Variants in LYST observed in about 807,000 individuals in gnomAD.
LYST encodes lysosomal trafficking regulator, also known as lysosomal-trafficking regulator.
Under a neutral mutation model 413.6 loss-of-function variants are expected in LYST, and 192 were observed. The ratio of observed to expected loss-of-function variants is 0.46; its 90% CI spans 0.41 to 0.52. The LOEUF (loss-of-function observed/expected upper bound fraction) is 0.52. Ranked by LOEUF, LYST falls within the 20% of genes least tolerant of loss-of-function variation. LYST has a pLI of 0.00. For synonymous variants in LYST, 1,525 were observed against 1,567.3 expected, an observed-to-expected ratio of 0.97 and a Z score of 0.64; for missense variants, 3,815 against 4,499.9, an observed-to-expected ratio of 0.85 and a Z score of 4.35.
intron 34 of LYST, 142 bp downstream of exon 34, chr1:235,733,360 GA>G (rs954213928): frequency 5.5e-6 from 4 of 730,768 alleles, no homozygotes; most frequent in East Asian, 2.7e-5. Context: ...TCTTTAAGAT[GA>G]AAAAAACATC....
intron 2 of LYST, among the ~76,000 whole-genome samples, chr1:235,831,782 A>G (rs1362326725): frequency 6.6e-6 from 1 of 152,172 alleles, no homozygotes; most frequent in Non-Finnish European, 1.5e-5. Context: ...TTATATATTA[A>G]TATTGGTTCT....
chr1:235,757,577 TAAG>T (rs1203173485), intron 23 of LYST, 119 bp from the exon 24 acceptor site: 2 of 750,260 alleles, frequency 2.7e-6, no homozygotes, highest in Non-Finnish European at 4.7e-6. Context: ...TCATAATGCT[TAAG>T]AAATGTTTCC....
At chr1:235,675,889 A>G (rs182632348) in intron 50 of LYST, among the ~76,000 whole-genome samples, 127 of 152,296 alleles carry the variant, frequency 8.3e-4, no homozygotes, top group African/African-American at 2.9e-3. Flanking sequence ...GAAAAACACC[A>G]TACATTTTGT....
At chr1:235,858,342 T>C (rs1223678922) in intron 1 of LYST, among the ~76,000 whole-genome samples, 3 of 152,190 alleles carry the variant, frequency 2.0e-5, no homozygotes, top group Admixed American at 6.5e-5. Context: ...ATGGAAAATA[T>C]TTACTATAGT....
In LYST at chr1:235,759,465, C is replaced by T. The variant is rs148371004; in HGVS notation, c.6388G>A (p.Asp2130Asn). ...GTATCTGCAATATTTTGTAACCTGT[C>T]GATACTACAACCCAAACTTCCAGTC... ...KLTGSLGCSI[D>N]RLQNIADTYV... Residue 2130 changes from aspartate to asparagine, a missense_variant, in exon 23 of 53, where the codon GAC (aspartate) becomes AAC (asparagine). By Grantham distance (23) the Asp-to-Asn change is conservative. Transcript: ENST00000389793. The T allele has an allele frequency of 1.4e-4, 230 of 1,613,874 alleles. 1 individual carries two copies. The highest frequency in any genetic ancestry group is 1.8e-4 in the South Asian group (16 of 91,080).
chr1:235,773,709 G>T, intron 19 of LYST, 133 bp downstream of exon 19: 1 of 714,304 alleles, frequency 1.4e-6, no homozygotes, highest in Non-Finnish European at 2.5e-6. Context: ...GATGGATGGT[G>T]GTGATGGTTG....
At chr1:235,835,793 C>T (rs577877388) in intron 1 of LYST, among the ~76,000 whole-genome samples, 2 of 152,284 alleles carry the variant, frequency 1.3e-5, no homozygotes, top group South Asian at 4.1e-4. Flanking sequence ...TACATAGACA[C>T]ACCCTGTAGT....
At chr1:235,705,565 T>C (rs531524834) in intron 44 of LYST, among the ~76,000 whole-genome samples, 71 of 152,062 alleles carry the variant, frequency 4.7e-4, no homozygotes, top group African/African-American at 1.5e-3. Context: ...TTTAAATTTT[T>C]TGTAGAGACA....
At chr1:235,723,437 C>T (rs1351410244) in intron 39 of LYST, among the ~76,000 whole-genome samples, 2 of 152,108 alleles carry the variant, frequency 1.3e-5, no homozygotes, top group Non-Finnish European at 2.9e-5. Context: ...GAGGCGTCTG[C>T]AACCAAGACT....
In LYST at chr1:235,788,802, T is replaced by C; in HGVS notation, c.4587A>G (p.Glu1529=). 1 of 1,613,638 alleles carries C rather than the reference T, an allele frequency of 6.2e-7. No homozygotes were observed. Among genetic ancestry groups the C allele is most frequent in the Non-Finnish European group, 8.5e-7 (1 of 1,179,612 alleles). Residue 1529 remains glutamate (E), a synonymous_variant, in exon 13 of 53, where the codon GAA becomes GAG. Transcript: ENST00000389793. ...GAATACATCCTTCTTCTATGAGTCTTTCACCAGGATTTATGTACTCTGCAC... is the reference window on the plus strand; with the variant it reads ...GAATACATCCTTCTTCTATGAGTCTCTCACCAGGATTTATGTACTCTGCAC... The part of the protein sequence containing the change: ...PEGAEYINPG[E]RLIEEGCIHI...
intron 20 of LYST, among the ~76,000 whole-genome samples, chr1:235,767,544 A>T (rs7517821): frequency 0.41 from 61,664 of 151,920 alleles, 13,212 homozygotes; most frequent in African/African-American, 0.49. Flanking sequence ...TCTTGGTTGC[A>T]GCATCAGTGA....
rs556062616 is a variant in LYST at position 235,677,209 on chromosome 1, A to C, written c.10941-21T>G. 220 of 1,508,014 alleles carry C rather than the reference A, an allele frequency of 1.5e-4. No homozygotes were observed. The South Asian group carries it at 2.3e-3, about 16-fold the overall frequency. 93.4% of individuals were successfully genotyped at this position (1,508,014 alleles called of 1,614,324 possible). The stretch of plus-strand genomic sequence containing the variant: ...ATAACCTGAAAGAAAAAAGACATGA[A>C]TTTGTATATGATCATTAAATATAAT... On this transcript the variant is annotated intron_variant, in intron 49 of 52. Coordinates refer to ENST00000389793, the MANE Select transcript of LYST (RefSeq NM_000081.4).
chr1:235,749,905 G>A (rs2103299523), intron 28 of LYST, among the ~76,000 whole-genome samples: 1 of 152,222 alleles, frequency 6.6e-6, no homozygotes, highest in African/African-American at 2.4e-5. Flanking sequence ...AATAGCAAGA[G>A]GACTATTGTG....
At chr1:235,795,525 A>T (rs533779219) in intron 10 of LYST, among the ~76,000 whole-genome samples, 1 of 152,272 alleles carries the variant, frequency 6.6e-6, no homozygotes, top group East Asian at 1.9e-4. Context: ...CCTATATGTG[A>T]AAGATGCATT....
rs772932657 is a variant in LYST at position 235,808,956 on chromosome 1, T to C, written c.1862A>G (p.Asp621Gly). ...ILNILNKLIL[D>G]QLGGAEISPK... ...TGATATCTCTGCTCCTCCTAACTGATCCAAAATAAGTTTGTTAAGGATATT... is the reference window on the plus strand; with the variant it reads ...TGATATCTCTGCTCCTCCTAACTGACCCAAAATAAGTTTGTTAAGGATATT... Residue 621 changes from aspartate to glycine, a missense_variant, in exon 5 of 53, where the codon GAT becomes GGT. Physicochemically the swap from Asp to Gly is moderately conservative, Grantham distance 94. Around this residue, in one of 4 missense-constraint regions of LYST, gnomAD observed 1,648 missense variants for 1,810.3 expected, o/e 0.91. Transcript: ENST00000389793. 1.9e-6 allele frequency: 3 copies of C among 1,613,924 alleles called. No individual in the cohort carries two copies. The highest frequency in any genetic ancestry group is 2.5e-6 in the Non-Finnish European group (3 of 1,179,882).
At chr1:235,813,732 T>A (rs551424734) in intron 3 of LYST, among the ~76,000 whole-genome samples, 1 of 152,234 alleles carries the variant, frequency 6.6e-6, no homozygotes, top group South Asian at 2.1e-4. Context: ...GGTAGAAGCA[T>A]TCAGTTTAGG....
chr1:235,769,262 A>G (rs1014733907), intron 20 of LYST, among the ~76,000 whole-genome samples: 4 of 152,058 alleles, frequency 2.6e-5, no homozygotes, highest in African/African-American at 7.2e-5. Context: ...CAAAAAGAAT[A>G]CCATGTACTC....
chr1:235,845,927 C>T (rs1403466793), intron 1 of LYST, among the ~76,000 whole-genome samples: 1 of 151,784 alleles, frequency 6.6e-6, no homozygotes, highest in Non-Finnish European at 1.5e-5. Context: ...AGACAAAGGG[C>T]ATTTAATCTT....
At position 235,734,485 on chromosome 1, in the gene LYST, C is replaced by T; in HGVS notation, c.8533G>A (p.Glu2845Lys). 1 of 1,613,090 alleles carries T rather than the reference C, an allele frequency of 6.2e-7. No homozygotes were observed. Among genetic ancestry groups the T allele is most frequent in the Admixed American group, 1.7e-5 (1 of 60,018 alleles). The change falls in exon 32 of 53, where the codon GAG (glutamate) becomes AAG (lysine). Residue 2845 changes from glutamate (E) to lysine (K), a missense_variant and splice_region_variant. Glu to Lys is a moderately conservative substitution (Grantham distance 56). Coordinates refer to ENST00000389793, the MANE Select transcript of LYST (RefSeq NM_000081.4). ...TKADLIKMIK[E>K]EQKKYETEEG... ...GTACTATGGTTTCATTGACTCACCT[C>T]TTTGATCATTTTAATAAGGTCTGCT... is the stretch of plus-strand genomic sequence containing the variant.
Sources: gnomAD v4.1 joint callset for allele counts (sites outside exome capture counted in the v4.1 genomes callset) on GRCh38, gnomAD v4.1.1 for gene constraint, gnomAD v4.1.1 regional missense constraint, MANE v1.5 for transcripts, NCBI Gene and HGNC (gene_info 2026-07-23, HGNC 2026-07-21) for gene names.